The following DAB1 variants were observed in gnomAD, a reference collection of about 807,000 sequenced individuals.
The protein encoded by DAB1 is DAB adaptor protein 1.
DAB1 carries 15 observed loss-of-function variants against 64.6 expected under a neutral mutation model. That is an observed-to-expected ratio of 0.23 (90% CI 0.16 to 0.36). The LOEUF (loss-of-function observed/expected upper bound fraction) is 0.36, where lower values mean the gene tolerates loss of function less well. Ranked by LOEUF, DAB1 falls within the 10% of genes least tolerant of loss-of-function variation. DAB1 has a pLI of 1.00. For synonymous variants in DAB1, 235 were observed against 251.9 expected, an observed-to-expected ratio of 0.93 and a Z score of 0.64; for missense variants, 596 against 706.7, an observed-to-expected ratio of 0.84 and a Z score of 1.78.
intron 7 of DAB1, among the ~76,000 whole-genome samples, chr1:57,643,137 C>T (rs1646151119): frequency 1.3e-5 from 2 of 152,220 alleles, no homozygotes; most frequent in African/African-American, 2.4e-5. Context: ...CTCCACATCT[C>T]TGTCTGGGGG....
chr1:58,220,915 C>T (rs1277488175), intron 4 of DAB1, among the ~76,000 whole-genome samples: 1 of 150,348 alleles, frequency 6.7e-6, no homozygotes, highest in African/African-American at 2.5e-5. Context: ...AATGTGAATA[C>T]ATTTTGCAAA....
chr1:57,894,647 A>G (rs185004500), intron 5 of DAB1, among the ~76,000 whole-genome samples: 1 of 152,114 alleles, frequency 6.6e-6, no homozygotes, highest in East Asian at 1.9e-4. Context: ...GTGCAATGGG[A>G]AAAAAAACTC....
At position 57,922,305 on chromosome 1, in the gene DAB1, G is replaced by A. The variant is rs958766444; in HGVS notation, n.388-38143C>T. On this transcript the variant is annotated intron_variant and non_coding_transcript_variant, in intron 5 of 20. Transcript: ENST00000485760. ...AGGAGGGGAAGAAAAATGAAGGGAG[G>A]GAAAGGAAGGGAAGGAAGAGGAAGA... is the stretch of plus-strand genomic sequence containing the variant. 2.6e-5 allele frequency among the ~76,000 whole-genome samples: 4 copies of A among 152,052 alleles called. No homozygotes were observed. The East Asian group carries it at 7.7e-4, about 29-fold the overall frequency.
intron 1 of DAB1, chr1:58,536,676 C>T: frequency 1.1e-6 from 1 of 872,798 alleles, no homozygotes. Flanking sequence ...TTTATTCTTC[C>T]TTATATTTTC....
At chr1:58,490,422 C>T (rs1466283004) in intron 3 of DAB1, among the ~76,000 whole-genome samples, 3 of 152,116 alleles carry the variant, frequency 2.0e-5, no homozygotes, top group Non-Finnish European at 4.4e-5. Flanking sequence ...AACAAAGCCT[C>T]CAAGAAATAT....
chr1:57,894,180 G>T (rs935621398), intron 5 of DAB1, among the ~76,000 whole-genome samples: 1 of 152,150 alleles, frequency 6.6e-6, no homozygotes, highest in Admixed American at 6.6e-5. Context: ...GCCCACTTGG[G>T]CCTCTTCCAA....
At chr1:58,200,579 C>T (rs1657941467) in intron 4 of DAB1, among the ~76,000 whole-genome samples, 1 of 152,126 alleles carries the variant, frequency 6.6e-6, no homozygotes, top group African/African-American at 2.4e-5. Flanking sequence ...TGGTATGTGC[C>T]TCTACTCTTA....
chr1:57,296,141 T>G (rs768427745), intron 1 of DAB1, among the ~76,000 whole-genome samples: 5 of 151,930 alleles, frequency 3.3e-5, no homozygotes, highest in Non-Finnish European at 7.4e-5. Context: ...AGCAAAGGAG[T>G]AAATGCAGAT....
intron 6 of DAB1, among the ~76,000 whole-genome samples, chr1:57,743,465 CTT>C (rs1334153745): frequency 6.6e-6 from 1 of 152,238 alleles, no homozygotes; most frequent in East Asian, 1.9e-4. Context: ...TGCTGACTCT[CTT>C]TTCGGACTCA....
chr1:58,451,373 G>A (rs1236886239), intron 3 of DAB1, among the ~76,000 whole-genome samples: 6 of 152,204 alleles, frequency 3.9e-5, no homozygotes, highest in African/African-American at 9.7e-5. Context: ...GGTTACAGGC[G>A]TGAGCCACTG....
At chr1:57,980,810 T>A (rs1309181985) in intron 5 of DAB1, among the ~76,000 whole-genome samples, 1 of 152,078 alleles carries the variant, frequency 6.6e-6, no homozygotes, top group East Asian at 1.9e-4. Context: ...TGCAAAATAG[T>A]CATAGTTTTT....
chr1:58,020,403 T>C (rs1646799438), intron 5 of DAB1, among the ~76,000 whole-genome samples: 1 of 152,228 alleles, frequency 6.6e-6, no homozygotes, highest in East Asian at 1.9e-4. Context: ...TTAGAATCTA[T>C]TTTTGAGCTT....
chr1:57,182,174 C>T (rs1025853925), intron 2 of DAB1, among the ~76,000 whole-genome samples: 14 of 152,226 alleles, frequency 9.2e-5, no homozygotes, highest in South Asian at 4.1e-4. Flanking sequence ...TGTGAGCCAC[C>T]GCGTCCAGCT....
chr1:57,533,563 A>ATATATG (rs1464411922), intron 7 of DAB1, among the ~76,000 whole-genome samples: 4 of 149,394 alleles, frequency 2.7e-5, no homozygotes, highest in South Asian at 2.1e-4. Flanking sequence ...ATATATATAT[A>ATATATG]TATGTATATA....
At chr1:58,003,056 C>A (rs1646530609) in intron 5 of DAB1, among the ~76,000 whole-genome samples, 1 of 151,908 alleles carries the variant, frequency 6.6e-6, no homozygotes, top group African/African-American at 2.4e-5. Flanking sequence ...TATTAATGTT[C>A]ATTTTATTAT....
chr1:57,112,520 T>C (rs184033231), intron 4 of DAB1, among the ~76,000 whole-genome samples: 1 of 152,084 alleles, frequency 6.6e-6, no homozygotes, highest in Non-Finnish European at 1.5e-5. Flanking sequence ...CAAGCCCAGG[T>C]AGAGAGCAAG....
chr1:57,698,801 A>T (rs1197108162), intron 6 of DAB1, among the ~76,000 whole-genome samples: 2 of 152,252 alleles, frequency 1.3e-5, no homozygotes, highest in Non-Finnish European at 2.9e-5. Flanking sequence ...TTCAGAAAGA[A>T]ATGAACAACA....
intron 3 of DAB1, among the ~76,000 whole-genome samples, chr1:57,138,348 A>T (rs1194451524): frequency 6.6e-6 from 1 of 152,154 alleles, no homozygotes; most frequent in South Asian, 2.1e-4. Flanking sequence ...TTGGTCAAAG[A>T]GCTGAGACTA....
intron 4 of DAB1, among the ~76,000 whole-genome samples, chr1:57,076,541 C>A (rs1166206228): frequency 6.6e-6 from 1 of 152,174 alleles, no homozygotes; most frequent in Non-Finnish European, 1.5e-5. Flanking sequence ...TCCAATCTGA[C>A]CTTCCTATGC....
Sources: allele counts gnomAD v4.1 joint callset (sites outside exome capture counted in the v4.1 genomes callset), GRCh38; gene constraint gnomAD v4.1.1; transcripts MANE v1.5; gene names NCBI Gene and HGNC (gene_info 2026-07-23, HGNC 2026-07-21).